ZNF143: variants seen among roughly 807,000 people sequenced by gnomAD.
The protein encoded by ZNF143 is zinc finger protein 143, also known as SPH-binding factor.
Under a neutral mutation model 74.1 loss-of-function variants are expected in ZNF143, and 49 were observed. The ratio of observed to expected loss-of-function variants is 0.66; its 90% CI spans 0.53 to 0.84. The LOEUF is 0.84. Among genes scored for constraint, ZNF143 ranks in the 40% least tolerant of loss-of-function variants. ZNF143 has a pLI of 0.00. For missense variants in ZNF143, 637 were observed against 793.4 expected (o/e 0.80, Z 2.37); for synonymous variants, 304 against 282.8 (o/e 1.07, Z -0.75).
intron 1 of ZNF143, among the ~76,000 whole-genome samples, chr11:9,464,729 G>A (rs970608367): frequency 6.6e-6 from 1 of 152,020 alleles, no homozygotes; most frequent in Admixed American, 6.6e-5. Context: ...AGATGAGCCC[G>A]ACCAACATGG....
rs117060140 is a variant in ZNF143 at position 9,505,330 on chromosome 11, C to T, written c.1148-3289C>T. Among the ~76,000 whole-genome samples the T allele has an allele frequency of 2.0e-5, 3 of 151,330 alleles. No individual in the cohort carries two copies. In the East Asian group the frequency reaches 5.9e-4, roughly 30 times the overall value. On this transcript the variant is annotated intron_variant, in intron 11 of 15. Transcript: ENST00000396602. ...TGTCGCTCAGGCTGGAGTGCAGTGT[C>T]GTGACCTCAGCTCACTGCGACCTCT...
intron 7 of ZNF143, among the ~76,000 whole-genome samples, chr11:9,483,084 G>C (rs532601712): frequency 6.6e-6 from 1 of 150,750 alleles, no homozygotes; most frequent in South Asian, 2.1e-4. Flanking sequence ...ACCTCCACCT[G>C]CTGGGTTCAA....
intron 1 of ZNF143, among the ~76,000 whole-genome samples, chr11:9,466,643 G>A (rs1856236080): frequency 6.6e-6 from 1 of 151,936 alleles, no homozygotes. Flanking sequence ...GTTTCACTGT[G>A]TTGCCCAGGC....
chr11:9,482,057 G>A (rs1349568592), intron 7 of ZNF143, among the ~76,000 whole-genome samples: 14 of 140,252 alleles, frequency 1.0e-4, no homozygotes, highest in Non-Finnish European at 2.0e-4. Context: ...TGCAAGCTCT[G>A]CCTCCCGGGT....
chr11:9,504,821 C>T lies in ZNF143; in HGVS notation c.1147+3551C>T, dbSNP rs565902697. On this transcript the variant is annotated intron_variant, in intron 11 of 15. Coordinates refer to ENST00000396602, the MANE Select transcript of ZNF143 (RefSeq NM_003442.6). ...TCCTGAGTAGCTGGGACTACAGGCA[C>T]CTGCCACCACGCCCAGCTAATTTTT... 5.6e-3 allele frequency among the ~76,000 whole-genome samples: 651 copies of T among 115,964 alleles called. 157 individuals carry two copies. The highest frequency in any genetic ancestry group is 9.5e-3 in the Non-Finnish European group (471 of 49,388). The allele number at this position is 115,964 out of a possible 152,430, so 76.1% of individuals were successfully genotyped here.
Position 9,527,555 on chromosome 11 carries a change from A to G in ZNF143, c.1859A>G (p.Glu620Gly). Residue 620 changes from glutamate to glycine, a missense_variant, in exon 16 of 16, where the codon GAA becomes GGA. Physicochemically the swap from Glu to Gly is moderately conservative, Grantham distance 98. Around this residue, in one of 2 missense-constraint regions of ZNF143, gnomAD observed 344 missense variants for 485.6 expected, o/e 0.71. Transcript: ENST00000396602. ...CTTGGAGAACAGCCATCTCTGGAAG[A>G]AGCCATCAGAATAGCGTCTAGAATC... ...VQLGEQPSLE[E>G]AIRIASRIQQ... 2.5e-6 allele frequency: 4 copies of G among 1,614,174 alleles called. No homozygotes were observed. The highest frequency in any genetic ancestry group is 3.4e-6 in the Non-Finnish European group (4 of 1,180,022).
At chr11:9,521,653 GT>G (rs1848934520) in intron 14 of ZNF143, among the ~76,000 whole-genome samples, 1 of 150,900 alleles carries the variant, frequency 6.6e-6, no homozygotes. Context: ...AGTTATCTAT[GT>G]TTTTTTGTAT....
chr11:9,474,500 T>C (rs57939457), intron 4 of ZNF143, 50 bp from the exon 5 acceptor site: 3 of 1,579,586 alleles, frequency 1.9e-6, no homozygotes, highest in Admixed American at 1.7e-5. Context: ...AGTGAGTTAA[T>C]TGGAATGTGC....
intron 7 of ZNF143, among the ~76,000 whole-genome samples, chr11:9,489,334 T>G (rs1214460614): frequency 6.6e-6 from 1 of 152,190 alleles, no homozygotes; most frequent in Non-Finnish European, 1.5e-5. Context: ...TTGTCACCCA[T>G]GTCCCCACCC....
chr11:9,513,778 C>T (rs1352230264), intron 13 of ZNF143, among the ~76,000 whole-genome samples: 2 of 152,170 alleles, frequency 1.3e-5, no homozygotes. Context: ...TCGTGTAGTT[C>T]CACCTACTAG....
At chr11:9,522,971 G>A (rs1408896145) in intron 14 of ZNF143, among the ~76,000 whole-genome samples, 1 of 151,544 alleles carries the variant, frequency 6.6e-6, no homozygotes. Flanking sequence ...GTTTCACCAT[G>A]TTGGCCAGGC....
intron 7 of ZNF143, among the ~76,000 whole-genome samples, chr11:9,482,906 T>G (rs1847304397): frequency 6.6e-6 from 1 of 151,592 alleles, no homozygotes; most frequent in Admixed American, 6.6e-5. Context: ...CATATTGTGT[T>G]AAACAAAATA....
intron 13 of ZNF143, 137 bp from the exon 14 acceptor site, chr11:9,516,064 A>C: frequency 2.2e-6 from 1 of 455,234 alleles, no homozygotes; most frequent in Non-Finnish European, 3.7e-6. Context: ...CTGATGACTG[A>C]ATGAGTTTAT....
At chr11:9,510,114 T>C (rs72854114) in intron 12 of ZNF143, among the ~76,000 whole-genome samples, 2 of 151,788 alleles carry the variant, frequency 1.3e-5, no homozygotes, top group African/African-American at 2.4e-5. Context: ...CAGAAGTTCC[T>C]ATATTCTTTT....
intron 1 of ZNF143, chr11:9,461,852 AAAG>A (rs751723840): frequency 1.3e-5 from 2 of 152,204 alleles, no homozygotes; most frequent in Non-Finnish European, 2.9e-5. Context: ...TAAAAAGAGG[AAAG>A]AAGAATACCA....
Position 9,473,454 on chromosome 11 carries a change from C to T in ZNF143, c.206-487C>T, listed in dbSNP as rs751675844. Among the ~76,000 whole-genome samples, 202 of 151,804 alleles carry T rather than the reference C, an allele frequency of 1.3e-3. 1 individual carries two copies. Among genetic ancestry groups the T allele is most frequent in the Non-Finnish European group, 1.1e-3 (73 of 67,940 alleles). On this transcript the variant is annotated intron_variant, in intron 3 of 15. Transcript: ENST00000396602. ...GACATTGTCTCTGAATTAGTGTTTG[C>T]TTTGCTCCAGGAAACAGCCAAGTCC...
At chr11:9,483,750 CTT>C (rs753979043) in intron 7 of ZNF143, among the ~76,000 whole-genome samples, 38 of 124,758 alleles carry the variant, frequency 3.0e-4, no homozygotes, top group Middle Eastern at 4.5e-3. Context: ...GGCCGGAATT[CTT>C]TTTTTTTTTT....
At position 9,505,074 on chromosome 11, in the gene ZNF143, A is replaced by C. The variant is rs1354932631; in HGVS notation, c.1148-3545A>C. On this transcript the variant is annotated intron_variant, in intron 11 of 15. Transcript: ENST00000396602. The stretch of plus-strand genomic sequence containing the variant: ...CTGCAACCTCCGCCTCCTGGGTTCA[A>C]GTGATTCTCCTGCCTCAGCCTCCTG... Among the ~76,000 whole-genome samples, 5 of 118,578 alleles carry C rather than the reference A, an allele frequency of 4.2e-5. 1 individual carries two copies. Among genetic ancestry groups the C allele is most frequent in the African/African-American group, 8.1e-5 (3 of 37,190 alleles). 77.8% of individuals were successfully genotyped at this position (118,578 alleles called of 152,430 possible).
intron 10 of ZNF143, among the ~76,000 whole-genome samples, chr11:9,498,392 G>A (rs1229660354): frequency 6.6e-6 from 1 of 152,132 alleles, no homozygotes; most frequent in African/African-American, 2.4e-5. Flanking sequence ...ATTTACCTAG[G>A]ATTACACATC....
Sources: allele counts gnomAD v4.1 joint callset (sites outside exome capture counted in the v4.1 genomes callset), GRCh38; gene constraint gnomAD v4.1.1; regional missense constraint gnomAD v4.1.1; transcripts MANE v1.5; gene names NCBI Gene and HGNC (gene_info 2026-07-23, HGNC 2026-07-21).